Variants in DLG2 observed in about 807,000 individuals in gnomAD.
DLG2 encodes discs large MAGUK scaffold protein 2, also known as disks large homolog 2.
Under a neutral mutation model 132.5 loss-of-function variants are expected in DLG2, and 45 were observed. The ratio of observed to expected loss-of-function variants is 0.34; its 90% CI spans 0.27 to 0.44. The LOEUF (loss-of-function observed/expected upper bound fraction) is 0.44, where lower values mean the gene tolerates loss of function less well. DLG2 is among the 20% of genes least tolerant of loss of function. The pLI, the probability that DLG2 is intolerant of heterozygous loss-of-function variation, is 1.00. For synonymous variants in DLG2, 424 were observed against 419.6 expected (o/e 1.01, Z -0.13); for missense variants, 1,045 against 1,196.9 (o/e 0.87, Z 1.87).
At chr11:83,633,778 ACAC>A (rs1292131326) in intron 18 of DLG2, among the ~76,000 whole-genome samples, 15 of 149,208 alleles carry the variant, frequency 1.0e-4, no homozygotes, top group African/African-American at 3.8e-4. Flanking sequence ...ACACACACAC[ACAC>A]AACTGCGGAA....
At chr11:84,390,147 A>G (rs1441796905) in intron 7 of DLG2, among the ~76,000 whole-genome samples, 2 of 152,156 alleles carry the variant, frequency 1.3e-5, no homozygotes, top group Non-Finnish European at 2.9e-5. Context: ...CTACTTTTCT[A>G]CAGCCTTTAC....
At position 85,158,591 on chromosome 11, in the gene DLG2, T is replaced by C. The variant is rs1007350569; in HGVS notation, c.187-3940A>G. Among the ~76,000 whole-genome samples, 4 of 152,280 alleles carry C rather than the reference T, an allele frequency of 2.6e-5. No homozygotes were observed. The East Asian group carries it at 7.7e-4, about 29-fold the overall frequency. On this transcript the variant is annotated intron_variant, in intron 4 of 27. Coordinates refer to ENST00000376104, the MANE Select transcript of DLG2 (RefSeq NM_001142699.3). The stretch of plus-strand genomic sequence containing the variant: ...AGGGCCCTGTAATTGTTCTACTCTG[T>C]ATGTCAGATCTAAGAGTGGGAACTG...
intron 18 of DLG2, among the ~76,000 whole-genome samples, chr11:83,737,504 A>G (rs1337253633): frequency 1.3e-5 from 2 of 152,354 alleles, no homozygotes; most frequent in Non-Finnish European, 1.5e-5. Context: ...TGAATCTGAA[A>G]GATATGTTTC....
At chr11:83,815,552 T>G (rs2048640177) in intron 17 of DLG2, among the ~76,000 whole-genome samples, 1 of 152,098 alleles carries the variant, frequency 6.6e-6, no homozygotes, top group African/African-American at 2.4e-5. Flanking sequence ...TTTACTCCCA[T>G]AGTGCCTACG....
At chr11:85,252,788 A>AC (rs924595097) in intron 4 of DLG2, among the ~76,000 whole-genome samples, 1 of 152,152 alleles carries the variant, frequency 6.6e-6, no homozygotes, top group African/African-American at 2.4e-5. Flanking sequence ...GGGAAAGGAA[A>AC]AAAATACACT....
At chr11:85,143,427 T>A (rs936469993) in intron 5 of DLG2, among the ~76,000 whole-genome samples, 2 of 151,832 alleles carry the variant, frequency 1.3e-5, no homozygotes, top group Non-Finnish European at 3.0e-5. Flanking sequence ...CGGTGTCTTC[T>A]CTCTTTTGTT....
At chr11:84,039,194 GCTC>G (rs1225552937) in intron 11 of DLG2, among the ~76,000 whole-genome samples, 3 of 150,656 alleles carry the variant, frequency 2.0e-5, no homozygotes, top group East Asian at 3.9e-4. Context: ...ATTTATTTCA[GCTC>G]CTCATTTTTT....
intron 7 of DLG2, among the ~76,000 whole-genome samples, chr11:84,471,902 CTTATA>C (rs1339491801): frequency 1.3e-5 from 2 of 151,526 alleles, no homozygotes; most frequent in Non-Finnish European, 2.9e-5. Context: ...TTTTGTTTTT[CTTATA>C]CAGTTCAGCC....
intron 6 of DLG2, among the ~76,000 whole-genome samples, chr11:84,930,910 A>G (rs2048006832): frequency 6.6e-6 from 1 of 151,526 alleles, no homozygotes; most frequent in Non-Finnish European, 1.5e-5. Flanking sequence ...CCAGCCCCTC[A>G]CTCTCCATCC....
chr11:85,562,622 A>T lies in DLG2; in HGVS notation c.40+36035T>A, dbSNP rs554361418. Among the ~76,000 whole-genome samples, 159 of 151,876 alleles carry T rather than the reference A, an allele frequency of 1.0e-3. 4 individuals are homozygous for T. Among genetic ancestry groups the T allele is most frequent in the Admixed American group, 1.1e-3 (16 of 15,216 alleles). On this transcript the variant is annotated intron_variant, in intron 3 of 27. Coordinates refer to ENST00000376104, the MANE Select transcript of DLG2 (RefSeq NM_001142699.3). ...CACTATACCATGCTCACAGTCTAGTATTCTATTGTTTATTTCAGAATTGCT... is the reference window on the plus strand; with the variant it reads ...CACTATACCATGCTCACAGTCTAGTTTTCTATTGTTTATTTCAGAATTGCT...
chr11:84,016,622 C>G (rs934028412), intron 11 of DLG2, among the ~76,000 whole-genome samples: 1 of 152,030 alleles, frequency 6.6e-6, no homozygotes, highest in Non-Finnish European at 1.5e-5. Flanking sequence ...TTCCCCATTG[C>G]TTGTTTTTGT....
At chr11:83,751,045 T>C (rs1233799797) in intron 18 of DLG2, among the ~76,000 whole-genome samples, 2 of 152,216 alleles carry the variant, frequency 1.3e-5, no homozygotes, top group Non-Finnish European at 2.9e-5. Flanking sequence ...GTAAAATATA[T>C]ATTGATAGTG....
intron 10 of DLG2, among the ~76,000 whole-genome samples, chr11:84,082,577 T>C (rs983865303): frequency 2.4e-4 from 36 of 152,370 alleles, no homozygotes; most frequent in African/African-American, 7.9e-4. Flanking sequence ...GATGTATTTG[T>C]GCTTTTAATT....
In DLG2 at chr11:83,806,319, T is replaced by C. The variant is rs189732244; in HGVS notation, c.1723-19527A>G. 5.9e-5 allele frequency among the ~76,000 whole-genome samples: 9 copies of C among 152,272 alleles called. No homozygotes were observed. In the East Asian group the frequency reaches 1.4e-3, roughly 23 times the overall value. ...ATACAAAAAAACAGCAAGTAAACTG[T>C]GAACATCTTTCTATCTTAACCTTCA... On this transcript the variant is annotated intron_variant, in intron 17 of 27. Coordinates refer to ENST00000376104, the MANE Select transcript of DLG2 (RefSeq NM_001142699.3).
At chr11:84,983,602 A>G (rs553553904) in intron 6 of DLG2, among the ~76,000 whole-genome samples, 1 of 152,202 alleles carries the variant, frequency 6.6e-6, no homozygotes, top group Non-Finnish European at 1.5e-5. Context: ...AACACTCCCC[A>G]AAAAATCACA....
chr11:85,335,530 T>C (rs1215198258), intron 3 of DLG2, among the ~76,000 whole-genome samples: 5 of 152,224 alleles, frequency 3.3e-5, no homozygotes, highest in African/African-American at 9.7e-5. Flanking sequence ...ATTATGTGTC[T>C]CTTTGTAATG....
At chr11:83,925,407 T>C (rs2078787178) in intron 15 of DLG2, among the ~76,000 whole-genome samples, 1 of 152,176 alleles carries the variant, frequency 6.6e-6, no homozygotes, top group Non-Finnish European at 1.5e-5. Context: ...TTAATTTCTT[T>C]AAATTTGTTA....
chr11:83,934,327 A>G (rs1316413199), intron 14 of DLG2, among the ~76,000 whole-genome samples: 1 of 152,176 alleles, frequency 6.6e-6, no homozygotes, highest in Non-Finnish European at 1.5e-5. Flanking sequence ...CCTGAGACTA[A>G]TACCAGACTG....
At chr11:84,549,257 C>T (rs1381612554) in intron 6 of DLG2, among the ~76,000 whole-genome samples, 1 of 152,192 alleles carries the variant, frequency 6.6e-6, no homozygotes, top group African/African-American at 2.4e-5. Flanking sequence ...GCAAACTCAA[C>T]AGTAGTTCAT....
Sources: allele counts gnomAD v4.1 joint callset (sites outside exome capture counted in the v4.1 genomes callset), GRCh38; gene constraint gnomAD v4.1.1; transcripts MANE v1.5; gene names NCBI Gene and HGNC (gene_info 2026-07-23, HGNC 2026-07-21).